Variants in SORCS2 observed in about 807,000 individuals in gnomAD.
SORCS2 encodes sortilin related VPS10 domain containing receptor 2.
In SORCS2, 100 loss-of-function variants were observed where a neutral mutation model predicts 141.6. The ratio of observed to expected loss-of-function variants is 0.71; its 90% confidence interval spans 0.60 to 0.83. The LOEUF (loss-of-function observed/expected upper bound fraction) is 0.83, where lower values mean the gene tolerates loss of function less well. Ranked by LOEUF, SORCS2 falls within the 40% of genes least tolerant of loss-of-function variation. The pLI is 0.00. For missense variants in SORCS2, 1,646 were observed against 1,560.2 expected (o/e 1.05, Z -0.93); for synonymous variants, 789 against 676.9 (o/e 1.17, Z -2.57).
intron 1 of SORCS2, among the ~76,000 whole-genome samples, chr4:7,381,562 G>C (rs962734209): frequency 6.6e-6 from 1 of 152,242 alleles, no homozygotes; most frequent in African/African-American, 2.4e-5. Flanking sequence ...GTCCCTGGCG[G>C]AGGGAGGGTG....
chr4:7,394,384 G>T (rs1724066084), intron 1 of SORCS2, among the ~76,000 whole-genome samples: 1 of 147,974 alleles, frequency 6.8e-6, no homozygotes, highest in African/African-American at 2.5e-5. Flanking sequence ...GTGTGGGGTT[G>T]CAGGGAGGTC....
intron 3 of SORCS2, among the ~76,000 whole-genome samples, chr4:7,585,503 T>C (rs989164436): frequency 6.6e-6 from 1 of 152,218 alleles, no homozygotes; most frequent in Non-Finnish European, 1.5e-5. Flanking sequence ...GGCCTCACCT[T>C]GCTGAAACTG....
At position 7,192,820 on chromosome 4, in the gene SORCS2, G is replaced by A; in HGVS notation, c.174G>A (p.Leu58=). 3 of 1,031,936 alleles carry A rather than the reference G, an allele frequency of 2.9e-6. No individual in the cohort carries two copies. The highest frequency in any genetic ancestry group is 3.5e-6 in the Non-Finnish European group (3 of 862,242). The allele number at this position is 1,031,936 out of a possible 1,614,324, so 63.9% of individuals were successfully genotyped here. A position where few individuals can be genotyped will look rare whatever the true frequency, so the allele number is the denominator to read the frequency against. ...GGCGCTCCCCTGAGCCCGGGCGCCT[G>A]GGTCCTCACGCCCAACTGACCCGGG... ...AAGRSPEPGR[L]GPHAQLTRVP... is the part of the protein sequence containing the mutation. The change falls in exon 1 of 27, where the codon CTG becomes CTA. Residue 58 remains leucine, a synonymous_variant. Coordinates refer to ENST00000507866, the MANE Select transcript of SORCS2 (RefSeq NM_020777.3). This position sits in a 1 kb window ranked among gnomAD's most constrained non-coding sequence, Gnocchi z 4.0.
At chr4:7,333,107 A>G (rs1577410062) in intron 1 of SORCS2, among the ~76,000 whole-genome samples, 1 of 152,182 alleles carries the variant, frequency 6.6e-6, no homozygotes. Context: ...TGGATGGGAC[A>G]AGGCGGTGTG....
At chr4:7,558,244 T>C (rs1485642991) in intron 3 of SORCS2, among the ~76,000 whole-genome samples, 17 of 152,218 alleles carry the variant, frequency 1.1e-4, no homozygotes. Context: ...CTCTTGACTT[T>C]GGCACTGTTA....
At chr4:7,265,201 G>C (rs1057153671) in intron 1 of SORCS2, among the ~76,000 whole-genome samples, 2 of 152,222 alleles carry the variant, frequency 1.3e-5, no homozygotes, top group Non-Finnish European at 2.9e-5. Flanking sequence ...AAGTCAGAAA[G>C]CAAGGTGTAG....
At chr4:7,725,653 A>C (rs925195033) in intron 20 of SORCS2, among the ~76,000 whole-genome samples, 3 of 152,214 alleles carry the variant, frequency 2.0e-5, no homozygotes, top group Admixed American at 6.5e-5. Flanking sequence ...AAGGCTTTAC[A>C]GAAGAAGAGG....
chr4:7,219,158 T>C (rs1390361981), intron 1 of SORCS2, among the ~76,000 whole-genome samples: 5 of 124,510 alleles, frequency 4.0e-5, no homozygotes, highest in Admixed American at 7.5e-5. Context: ...TTAGCTGATC[T>C]TTTTGTCTAT....
At chr4:7,471,221 T>C (rs1280609307) in intron 2 of SORCS2, among the ~76,000 whole-genome samples, 1 of 152,208 alleles carries the variant, frequency 6.6e-6, no homozygotes, top group Non-Finnish European at 1.5e-5. Context: ...CCGGCCCCGC[T>C]TCCCCGCTCC....
intron 14 of SORCS2, among the ~76,000 whole-genome samples, chr4:7,704,782 C>G (rs6845577): frequency 0.31 from 47,725 of 152,112 alleles, 7,931 homozygotes; most frequent in African/African-American, 0.39. Context: ...GGACATGCGG[C>G]GTTCGACTGC....
intron 11 of SORCS2, among the ~76,000 whole-genome samples, chr4:7,692,788 G>A (rs1347615577): frequency 6.6e-6 from 1 of 152,200 alleles, no homozygotes; most frequent in African/African-American, 2.4e-5. Flanking sequence ...ACACAGGGAG[G>A]ACACTCTAGG....
At chr4:7,215,139 G>C (rs976618726) in intron 1 of SORCS2, among the ~76,000 whole-genome samples, 3 of 152,156 alleles carry the variant, frequency 2.0e-5, no homozygotes, top group African/African-American at 4.8e-5. Context: ...GGAGAGGCGC[G>C]AGCGGGAACC....
chr4:7,650,269 G>C (rs1201512443), intron 4 of SORCS2, among the ~76,000 whole-genome samples: 1 of 152,220 alleles, frequency 6.6e-6, no homozygotes, highest in Non-Finnish European at 1.5e-5. Flanking sequence ...TGGCGATGTT[G>C]TGGGGGCACC....
intron 3 of SORCS2, among the ~76,000 whole-genome samples, chr4:7,537,269 C>T (rs1188707415): frequency 6.6e-6 from 1 of 152,210 alleles, no homozygotes; most frequent in Non-Finnish European, 1.5e-5. Context: ...CTCCAAACCC[C>T]CTTCAAGCTC....
intron 2 of SORCS2, among the ~76,000 whole-genome samples, chr4:7,413,924 G>C (rs1465981486): frequency 6.6e-6 from 1 of 152,090 alleles, no homozygotes; most frequent in Non-Finnish European, 1.5e-5. Flanking sequence ...CAGGGTGCTG[G>C]GATTCTGGCG....
chr4:7,452,561 C>A (rs1199083970), intron 2 of SORCS2, among the ~76,000 whole-genome samples: 2 of 152,224 alleles, frequency 1.3e-5, no homozygotes, highest in Admixed American at 1.3e-4. Context: ...CCTGCCCCAG[C>A]CTTCTGTAAG....
At chr4:7,446,191 G>T (rs965631239) in intron 2 of SORCS2, among the ~76,000 whole-genome samples, 1 of 152,028 alleles carries the variant, frequency 6.6e-6, no homozygotes, top group East Asian at 1.9e-4. Context: ...GGAGGGGAGG[G>T]GAGGGAAGAA....
chr4:7,414,321 G>A (rs939594797), intron 2 of SORCS2, among the ~76,000 whole-genome samples: 5 of 152,118 alleles, frequency 3.3e-5, no homozygotes, highest in African/African-American at 9.7e-5. Context: ...GGGCATGCTG[G>A]GATAGGTTCC....
At chr4:7,465,058 C>T (rs755213015) in intron 2 of SORCS2, among the ~76,000 whole-genome samples, 3 of 152,248 alleles carry the variant, frequency 2.0e-5, no homozygotes, top group Non-Finnish European at 4.4e-5. Context: ...AAGCACCCCC[C>T]TTGCAGGGTT....
Sources: allele counts gnomAD v4.1 joint callset (sites outside exome capture counted in the v4.1 genomes callset), GRCh38; gene constraint gnomAD v4.1.1; non-coding constraint Gnocchi (gnomAD v3.1); transcripts MANE v1.5; gene names NCBI Gene and HGNC (gene_info 2026-07-23, HGNC 2026-07-21).